NHSL1: variants seen among roughly 807,000 people sequenced by gnomAD.
NHSL1 encodes the protein NHS like 1, also known as NHS-like protein 1.
In NHSL1, 48 loss-of-function variants were observed where a neutral mutation model predicts 95.0. The observed-to-expected ratio is 0.51, with a 90% CI of 0.40 to 0.64. The LOEUF (loss-of-function observed/expected upper bound fraction) is 0.64, where lower values mean the gene tolerates loss of function less well. NHSL1 is among the 30% of genes least tolerant of loss of function. The pLI is 0.00. For missense variants in NHSL1, 1,971 were observed against 2,077.7 expected (o/e 0.95, Z 1.00); for synonymous variants, 783 against 833.9 (o/e 0.94, Z 1.05).
chr6:138,595,060 C>T (rs1784284914), intron 1 of NHSL1, among the ~76,000 whole-genome samples: 1 of 152,262 alleles, frequency 6.6e-6, no homozygotes, highest in South Asian at 2.1e-4. Context: ...CCAGAGATTC[C>T]CACTATGCTG....
At chr6:138,482,200 A>C (rs1583274683) in intron 2 of NHSL1, among the ~76,000 whole-genome samples, 1 of 152,112 alleles carries the variant, frequency 6.6e-6, no homozygotes, top group Admixed American at 6.5e-5. Flanking sequence ...TGTAATCCCA[A>C]CATTTGGGAG....
At chr6:138,481,550 G>A (rs1779417639) in intron 2 of NHSL1, among the ~76,000 whole-genome samples, 1 of 152,184 alleles carries the variant, frequency 6.6e-6, no homozygotes, top group African/African-American at 2.4e-5. Flanking sequence ...GTTGTGTGTA[G>A]CATATCAAAG....
rs73566641 is a variant in NHSL1 at position 138,631,800 on chromosome 6, G to A, written c.96+60676C>T. Reference sequence around the variant, plus strand: ...GACCTAGCACATTCTCAGCTGTGGTGGCTAAGGGGCAAGGCTCCTTCTGCT... The same window carrying A: ...GACCTAGCACATTCTCAGCTGTGGTAGCTAAGGGGCAAGGCTCCTTCTGCT... On this transcript the variant is annotated intron_variant, in intron 1 of 3. Transcript: ENST00000491526. Among the ~76,000 whole-genome samples the A allele has an allele frequency of 8.7e-3, 1,321 of 152,230 alleles. 16 individuals carry two copies. The highest frequency in any genetic ancestry group is 0.029 in the African/African-American group (1,208 of 41,522).
chr6:138,437,492 T>G (rs1776267780), intron 5 of NHSL1, among the ~76,000 whole-genome samples: 1 of 142,820 alleles, frequency 7.0e-6, no homozygotes, highest in African/African-American at 2.6e-5. Context: ...CCCAGAGCTC[T>G]GATGAAGATG....
intron 1 of NHSL1, among the ~76,000 whole-genome samples, chr6:138,540,746 G>A (rs1030445982): frequency 6.6e-6 from 1 of 152,146 alleles, no homozygotes; most frequent in African/African-American, 2.4e-5. Flanking sequence ...CAACTTAAAG[G>A]CCTTCCTAAA....
At chr6:138,520,819 T>G (rs1445696306) in intron 1 of NHSL1, among the ~76,000 whole-genome samples, 1 of 152,124 alleles carries the variant, frequency 6.6e-6, no homozygotes, top group African/African-American at 2.4e-5. Flanking sequence ...CAAGTAAAAG[T>G]AGGAAGCTAC....
intron 1 of NHSL1, among the ~76,000 whole-genome samples, chr6:138,655,216 GT>G (rs1785141755): frequency 6.6e-6 from 1 of 152,058 alleles, no homozygotes; most frequent in South Asian, 2.1e-4. Flanking sequence ...CACTAATTGA[GT>G]TTCATAAAAA....
chr6:138,566,714 G>A (rs1238042600), intron 1 of NHSL1, among the ~76,000 whole-genome samples: 1 of 150,818 alleles, frequency 6.6e-6, no homozygotes, highest in African/African-American at 2.4e-5. Context: ...AATTTAATTT[G>A]CAAATAAAGA....
At chr6:138,624,345 A>T (rs914681218) in intron 1 of NHSL1, among the ~76,000 whole-genome samples, 2 of 152,124 alleles carry the variant, frequency 1.3e-5, no homozygotes, top group Non-Finnish European at 2.9e-5. Flanking sequence ...AAAAGCAAGG[A>T]ATTTGAAAGC....
intron 1 of NHSL1, among the ~76,000 whole-genome samples, chr6:138,663,861 A>C (rs1331372464): frequency 1.3e-5 from 2 of 152,112 alleles, no homozygotes; most frequent in Non-Finnish European, 2.9e-5. Flanking sequence ...ACAGAGCAAG[A>C]CTCTATCTCA....
At chr6:138,504,067 C>A (rs1484641223), upstream of NHSL1, among the ~76,000 whole-genome samples, 5 of 131,228 alleles carry the variant, frequency 3.8e-5, no homozygotes, top group African/African-American at 1.4e-4. Context: ...CCTATCCCCC[C>A]AAAAATACAA....
chr6:138,486,469 A>G (rs1216851852), intron 2 of NHSL1, among the ~76,000 whole-genome samples: 1 of 151,668 alleles, frequency 6.6e-6, no homozygotes, highest in Non-Finnish European at 1.5e-5. Flanking sequence ...CTCTCTCCCC[A>G]CCTGTGAGCG....
chr6:138,478,347 A>G (rs1440751209), intron 2 of NHSL1, among the ~76,000 whole-genome samples: 3 of 152,188 alleles, frequency 2.0e-5, no homozygotes, highest in Non-Finnish European at 4.4e-5. Flanking sequence ...CTGATCTAAG[A>G]TAAGACTAGA....
At chr6:138,521,011 G>GT (rs1403630074) in intron 1 of NHSL1, among the ~76,000 whole-genome samples, 1 of 152,162 alleles carries the variant, frequency 6.6e-6, no homozygotes, top group East Asian at 1.9e-4. Context: ...CCTCATACAG[G>GT]TATGCCTATA....
At chr6:138,530,940 C>G (rs544253208) in intron 1 of NHSL1, among the ~76,000 whole-genome samples, 1 of 151,810 alleles carries the variant, frequency 6.6e-6, no homozygotes, top group East Asian at 1.9e-4. Flanking sequence ...ACCATCTGTT[C>G]AATAGTTTTT....
intron 1 of NHSL1, among the ~76,000 whole-genome samples, chr6:138,520,928 G>A (rs1241930410): frequency 6.6e-6 from 1 of 152,166 alleles, no homozygotes; most frequent in Non-Finnish European, 1.5e-5. Flanking sequence ...CAGTGTGAAA[G>A]TTATCAGTAT....
At chr6:138,456,669 C>T (rs1389592887) in intron 3 of NHSL1, among the ~76,000 whole-genome samples, 1 of 152,076 alleles carries the variant, frequency 6.6e-6, no homozygotes, top group African/African-American at 2.4e-5. Context: ...ATATAACTTC[C>T]GATAATGGCA....
At chr6:138,482,191 G>A (rs1382427802) in intron 2 of NHSL1, among the ~76,000 whole-genome samples, 1 of 152,218 alleles carries the variant, frequency 6.6e-6, no homozygotes, top group African/African-American at 2.4e-5. Context: ...GCTCACGCCT[G>A]TAATCCCAAC....
intron 1 of NHSL1, among the ~76,000 whole-genome samples, chr6:138,504,540 C>T (rs747183097): frequency 6.6e-6 from 1 of 152,148 alleles, no homozygotes; most frequent in Non-Finnish European, 1.5e-5. Context: ...GGGAGATATG[C>T]TGAAACTTCG....
Sources: gnomAD v4.1 joint callset for allele counts (sites outside exome capture counted in the v4.1 genomes callset) on GRCh38, gnomAD v4.1.1 for gene constraint, MANE v1.5 for transcripts, NCBI Gene and HGNC (gene_info 2026-07-23, HGNC 2026-07-21) for gene names.